The following CDH12 variants were observed in gnomAD, a reference collection of about 807,000 sequenced individuals.
The protein encoded by CDH12 is cadherin-12.
In CDH12, 41 loss-of-function variants were observed where a neutral mutation model predicts 74.1. The observed-to-expected ratio is 0.55, with a 90% CI of 0.43 to 0.72. The LOEUF (loss-of-function observed/expected upper bound fraction) is 0.72. CDH12 is among the 30% of genes least tolerant of loss of function. The pLI is 0.00. For missense variants in CDH12, 945 were observed against 977.2 expected (o/e 0.97, Z 0.44); for synonymous variants, 399 against 355.0 (o/e 1.12, Z -1.39).
At chr5:21,757,420 T>C (rs1579643769) in intron 13 of CDH12, among the ~76,000 whole-genome samples, 1 of 152,072 alleles carries the variant, frequency 6.6e-6, no homozygotes, top group South Asian at 2.1e-4. Context: ...AGGTGATCTG[T>C]CCACCTTGGC....
At chr5:22,024,073 G>C (rs1738178002) in intron 5 of CDH12, among the ~76,000 whole-genome samples, 2 of 152,166 alleles carry the variant, frequency 1.3e-5, no homozygotes, top group Admixed American at 1.3e-4. Context: ...GAGGTGATTT[G>C]AGTATTGAGG....
chr5:22,251,669 T>C (rs1040631337), intron 3 of CDH12, among the ~76,000 whole-genome samples: 6 of 152,200 alleles, frequency 3.9e-5, no homozygotes, highest in Admixed American at 2.6e-4. Flanking sequence ...ATATGATCAC[T>C]AGTCAATCTT....
At chr5:22,692,517 A>G (rs1333387511) in intron 1 of CDH12, among the ~76,000 whole-genome samples, 4 of 151,000 alleles carry the variant, frequency 2.6e-5, no homozygotes, top group African/African-American at 7.3e-5. Context: ...AAAGAGGGGA[A>G]AAAAAAAAGG....
rs576457291 is a variant in CDH12 at position 22,832,717 on chromosome 5, T to C, written c.-523+20341A>G. On this transcript the variant is annotated intron_variant, in intron 1 of 14. Transcript: ENST00000382254. ...ATTACTGTTTCTTTCCTTCACTCTGTAATTTATTTCAGTCTTTGACAAGTA... is the reference window on the plus strand; with the variant it reads ...ATTACTGTTTCTTTCCTTCACTCTGCAATTTATTTCAGTCTTTGACAAGTA... Among the ~76,000 whole-genome samples the C allele has an allele frequency of 5.2e-4, 79 of 152,322 alleles. 1 individual carries two copies. Among genetic ancestry groups the C allele is most frequent in the African/African-American group, 1.7e-3 (70 of 41,564 alleles).
chr5:22,524,959 C>T (rs191272893), intron 1 of CDH12, among the ~76,000 whole-genome samples: 12 of 138,454 alleles, frequency 8.7e-5, no homozygotes, highest in Admixed American at 3.0e-4. Flanking sequence ...ATCCCTCCCC[C>T]CTCCCTCCAC....
chr5:21,837,988 G>A lies in CDH12; in HGVS notation c.814+4173C>T, dbSNP rs116289923. 2.4e-3 allele frequency among the ~76,000 whole-genome samples: 362 copies of A among 152,122 alleles called. 2 individuals carry two copies. Among genetic ancestry groups the A allele is most frequent in the African/African-American group, 8.4e-3 (348 of 41,516 alleles). On this transcript the variant is annotated intron_variant, in intron 8 of 14. Coordinates refer to ENST00000382254, the MANE Select transcript of CDH12 (RefSeq NM_004061.5). ...CTGTTTATGAGTGGTGACAACATAC[G>A]CCGTGATTTTTTTGCAGATGTGCTC...
intron 2 of CDH12, among the ~76,000 whole-genome samples, chr5:22,491,834 G>A (rs2126641532): frequency 6.6e-6 from 1 of 152,082 alleles, no homozygotes; most frequent in African/African-American, 2.4e-5. Context: ...TGTTTCTTCT[G>A]ACAGCTCTGA....
At chr5:22,386,857 A>G (rs1030399389) in intron 3 of CDH12, among the ~76,000 whole-genome samples, 1 of 152,014 alleles carries the variant, frequency 6.6e-6, no homozygotes, top group African/African-American at 2.4e-5. Context: ...AGTTTAATAA[A>G]TAAAATTTTA....
At chr5:22,747,562 G>T (rs1271209564) in intron 1 of CDH12, among the ~76,000 whole-genome samples, 1 of 129,566 alleles carries the variant, frequency 7.7e-6, no homozygotes, top group African/African-American at 2.9e-5. Context: ...AGTGAGCCTA[G>T]ATTGCGCTAC....
chr5:22,072,568 T>G (rs1025438010), intron 5 of CDH12, among the ~76,000 whole-genome samples: 8 of 142,468 alleles, frequency 5.6e-5, no homozygotes, highest in East Asian at 4.3e-4. Flanking sequence ...GTGTGTGTGT[T>G]TAGGCTTTTA....
chr5:21,874,059 T>A (rs1188093514), intron 6 of CDH12, among the ~76,000 whole-genome samples: 2 of 152,196 alleles, frequency 1.3e-5, no homozygotes, highest in Non-Finnish European at 2.9e-5. Context: ...GGTGCTGCAA[T>A]GAACATTTGC....
At chr5:21,970,366 G>T (rs1224113410) in intron 6 of CDH12, among the ~76,000 whole-genome samples, 1 of 152,086 alleles carries the variant, frequency 6.6e-6, no homozygotes, top group African/African-American at 2.4e-5. Context: ...CTGGCTCAAG[G>T]GATAAGAGAA....
At chr5:22,266,139 A>T (rs1736093257) in intron 3 of CDH12, among the ~76,000 whole-genome samples, 1 of 151,758 alleles carries the variant, frequency 6.6e-6, no homozygotes, top group Non-Finnish European at 1.5e-5. Flanking sequence ...GCAATGGCAC[A>T]ATCTCGGCTC....
At position 22,316,355 on chromosome 5, in the gene CDH12, A is replaced by T. The variant is rs183869651; in HGVS notation, c.-333+88902T>A. Among the ~76,000 whole-genome samples the T allele has an allele frequency of 3.3e-5, 5 of 152,232 alleles. No homozygotes were observed. The East Asian group carries it at 9.6e-4, about 29-fold the overall frequency. ...CCAACACACATGCACACATCACAAA[A>T]TATGTTAAAAATAAAAAGTTTGTAG... is the stretch of plus-strand genomic sequence containing the variant. On this transcript the variant is annotated intron_variant, in intron 3 of 14. Transcript: ENST00000382254.
intron 1 of CDH12, among the ~76,000 whole-genome samples, chr5:22,535,047 C>T (rs1463820867): frequency 2.7e-5 from 4 of 149,002 alleles, no homozygotes; most frequent in African/African-American, 9.8e-5. Flanking sequence ...TCTCCGCTCA[C>T]TGCAAGCTTC....
intron 5 of CDH12, among the ~76,000 whole-genome samples, chr5:22,000,337 T>C: frequency 6.6e-6 from 1 of 152,176 alleles, no homozygotes; most frequent in East Asian, 1.9e-4. Flanking sequence ...AATATCTATG[T>C]GTACTAGGAA....
At chr5:22,444,232 G>C (rs796371110) in intron 2 of CDH12, among the ~76,000 whole-genome samples, 2 of 151,948 alleles carry the variant, frequency 1.3e-5, no homozygotes, top group African/African-American at 4.8e-5. Context: ...GTCGTTTGCT[G>C]TGAATATACA....
intron 1 of CDH12, among the ~76,000 whole-genome samples, chr5:22,664,727 A>G (rs1740524083): frequency 6.6e-6 from 1 of 152,160 alleles, no homozygotes; most frequent in Admixed American, 6.5e-5. Context: ...TACCCATTCT[A>G]CATATGGGAA....
chr5:22,651,103 G>T (rs1289226238), intron 1 of CDH12, among the ~76,000 whole-genome samples: 1 of 149,346 alleles, frequency 6.7e-6, no homozygotes, highest in Non-Finnish European at 1.5e-5. Context: ...ATATCATCAA[G>T]AGGCCCCATA....
Sources: allele counts gnomAD v4.1 joint callset (sites outside exome capture counted in the v4.1 genomes callset), GRCh38; gene constraint gnomAD v4.1.1; transcripts MANE v1.5; gene names NCBI Gene and HGNC (gene_info 2026-07-23, HGNC 2026-07-21).